POLN: variants seen among roughly 807,000 people sequenced by gnomAD.
The protein encoded by POLN is DNA polymerase N.
In POLN, 108 loss-of-function variants were observed where a neutral mutation model predicts 113.5. The observed-to-expected ratio is 0.95, with a 90% CI of 0.81 to 1.12. The LOEUF (loss-of-function observed/expected upper bound fraction) is 1.12. Among genes scored for constraint, POLN ranks in the 50% most tolerant of loss-of-function variants. The pLI is 0.00. For missense variants in POLN, 1,097 were observed against 1,077.1 expected (o/e 1.02, Z -0.26); for synonymous variants, 386 against 391.5 (o/e 0.99, Z 0.17).
chr4:2,129,193 G>T lies in POLN; in HGVS notation c.1853C>A (p.Thr618Asn), dbSNP rs758370210. The change falls in exon 18 of 26, where the codon ACC (threonine) becomes AAC (asparagine). Residue 618 changes from threonine to asparagine, a missense_variant. Coordinates refer to ENST00000511885, the MANE Select transcript of POLN (RefSeq NM_181808.4). ...CAGCAACGTACCTGCTGCTAGAAAG[G>T]TGTGGCCTTTGGATGAAACAAACAT... ...RAMFVSSKGHTFLAADFSQIE... is the reference protein window; with the variant it reads ...RAMFVSSKGHNFLAADFSQIE... 1 of 1,590,982 alleles carries T rather than the reference G, an allele frequency of 6.3e-7. No individual in the cohort carries two copies. The highest frequency in any genetic ancestry group is 1.1e-5 in the South Asian group (1 of 90,612).
At chr4:2,238,401 T>G (rs924780913) in intron 2 of POLN, among the ~76,000 whole-genome samples, 2 of 151,294 alleles carry the variant, frequency 1.3e-5, no homozygotes, top group African/African-American at 2.4e-5. Flanking sequence ...GTAGCTATTT[T>G]CAGATCTAAC....
intron 19 of POLN, among the ~76,000 whole-genome samples, chr4:2,096,274 G>A (rs765320147): frequency 3.9e-5 from 6 of 152,172 alleles, no homozygotes; most frequent in Non-Finnish European, 8.8e-5. Context: ...CTGGGCCTGG[G>A]CCACGTCTGT....
At chr4:2,177,208 A>AC (rs1733019106) in intron 8 of POLN, 2 of 382,662 alleles carry the variant, frequency 5.2e-6, no homozygotes, top group Admixed American at 6.5e-5. Flanking sequence ...TAGTTTGAAT[A>AC]CCCCCAGGAC....
chr4:2,237,277 T>TC lies in POLN; in HGVS notation c.-13+4242_-13+4243insG, dbSNP rs550470777. Among the ~76,000 whole-genome samples the TC allele has an allele frequency of 2.7e-4, 41 of 151,628 alleles. No homozygotes were observed. In the South Asian group the frequency reaches 8.3e-3, roughly 31 times the overall value. Reference sequence around the variant, plus strand: ...GAAGCCCCATCTCTACAAATTTTTTTTTTTTTTAATTAGCCAGGCATGGTG... The same window carrying TC: ...GAAGCCCCATCTCTACAAATTTTTTTCTTTTTTTAATTAGCCAGGCATGGTG... On this transcript the variant is annotated intron_variant, in intron 2 of 25. Transcript: ENST00000511885.
intron 20 of POLN, among the ~76,000 whole-genome samples, chr4:2,090,848 GC>G (rs1353624625): frequency 2.5e-4 from 38 of 152,350 alleles, no homozygotes; most frequent in African/African-American, 8.7e-4. Context: ...TTAGGGGTCA[GC>G]CAAGGATCTG....
At chr4:2,175,549 CCT>C (rs947441542) in intron 9 of POLN, among the ~76,000 whole-genome samples, 1 of 152,218 alleles carries the variant, frequency 6.6e-6, no homozygotes, top group African/African-American at 2.4e-5. Flanking sequence ...GGCCACCTCC[CCT>C]GAGAGCATGG....
intron 13 of POLN, among the ~76,000 whole-genome samples, chr4:2,167,803 G>A (rs1165039906): frequency 6.6e-6 from 1 of 152,112 alleles, no homozygotes; most frequent in African/African-American, 2.4e-5. Context: ...GGAGGCTGAG[G>A]CAGGAGAATC....
chr4:2,123,634 A>G (rs1328468280), intron 19 of POLN, among the ~76,000 whole-genome samples: 5 of 150,582 alleles, frequency 3.3e-5, no homozygotes, highest in Admixed American at 1.3e-4. Context: ...CAAAAAAAAA[A>G]AAAAAAAAAA....
In POLN at chr4:2,241,742, C is replaced by A. The variant is rs1256043249; in HGVS notation, c.-235G>T. On this transcript the variant is annotated 5_prime_UTR_variant, in exon 2 of 26. Coordinates refer to ENST00000511885, the MANE Select transcript of POLN (RefSeq NM_181808.4). ...GGCCGCGATACACCAGACGCGCCAGCGGCAAAACCTTCCTTCGGAGGGTCA... is the reference window on the plus strand; with the variant it reads ...GGCCGCGATACACCAGACGCGCCAGAGGCAAAACCTTCCTTCGGAGGGTCA... 5 of 985,392 alleles carry A rather than the reference C, an allele frequency of 5.1e-6. No individual in the cohort carries two copies. The highest frequency in any genetic ancestry group is 6.0e-6 in the Non-Finnish European group (5 of 829,964). 61.0% of individuals were successfully genotyped at this position (985,392 alleles called of 1,614,324 possible).
In POLN at chr4:2,214,912, C is replaced by CA. The variant is rs1462109330; in HGVS notation, c.134-1787dup. On this transcript the variant is annotated intron_variant, in intron 3 of 25. Transcript: ENST00000511885. The stretch of plus-strand genomic sequence containing the variant: ...ATACATATACATATATATGTATATA[C>CA]ATATACATATATATGTATATACCTC... 2.6e-5 allele frequency among the ~76,000 whole-genome samples: 4 copies of CA among 151,446 alleles called. No homozygotes were observed. The East Asian group carries it at 7.8e-4, about 29-fold the overall frequency.
intron 7 of POLN, among the ~76,000 whole-genome samples, chr4:2,185,393 C>G (rs1560086181): frequency 6.6e-6 from 1 of 152,210 alleles, no homozygotes; most frequent in Non-Finnish European, 1.5e-5. Context: ...ACCAAAACAA[C>G]TGCAAGAGTG....
intron 16 of POLN, among the ~76,000 whole-genome samples, chr4:2,149,874 G>A (rs1370149619): frequency 6.6e-6 from 1 of 152,000 alleles, no homozygotes; most frequent in Non-Finnish European, 1.5e-5. Flanking sequence ...ACGAGGTCAG[G>A]ATTTTGAGAC....
At chr4:2,182,538 T>G (rs1299366131) in intron 7 of POLN, among the ~76,000 whole-genome samples, 4 of 152,144 alleles carry the variant, frequency 2.6e-5, no homozygotes, top group African/African-American at 9.7e-5. Context: ...AACACCTTAA[T>G]TTGGACTTCC....
intron 2 of POLN, chr4:2,232,304 T>A (rs1734610937): frequency 4.1e-6 from 2 of 482,672 alleles, no homozygotes; most frequent in East Asian, 7.2e-5. Context: ...CGATTTAAAA[T>A]CCATAACAGG....
intron 7 of POLN, among the ~76,000 whole-genome samples, chr4:2,188,718 C>T (rs1429161169): frequency 6.6e-6 from 1 of 151,714 alleles, no homozygotes; most frequent in Non-Finnish European, 1.5e-5. Flanking sequence ...ACAAACTCAG[C>T]ATACTCTAAC....
chr4:2,208,014 A>G lies in POLN; in HGVS notation c.687T>C (p.Asp229=), dbSNP rs2108763890. Residue 229 remains aspartate, a synonymous_variant, in exon 5 of 26, where the codon GAT becomes GAC. Transcript: ENST00000511885. The part of the protein sequence containing the change: ...AALVITVMYT[D]GSTQLGADQT... The stretch of plus-strand genomic sequence containing the variant: ...GGTCAGCTCCTAGCTGGGTGGAACC[A>G]TCAGTATACATCACAGTTATCACCA... 6.2e-7 allele frequency: 1 copy of G among 1,612,272 alleles called. No homozygotes were observed. Among genetic ancestry groups the G allele is most frequent in the East Asian group, 2.2e-5 (1 of 44,860 alleles).
chr4:2,177,718 T>A (rs1037714506), intron 8 of POLN, among the ~76,000 whole-genome samples: 15 of 152,242 alleles, frequency 9.9e-5, no homozygotes, highest in African/African-American at 3.6e-4. Flanking sequence ...CTTTCTAATA[T>A]CTCAGCTTCT....
rs747058815 is a variant in POLN at position 2,208,015 on chromosome 4, T to A, written c.686A>T (p.Asp229Val). ...GTCAGCTCCTAGCTGGGTGGAACCATCAGTATACATCACAGTTATCACCAG... is the reference window on the plus strand; with the variant it reads ...GTCAGCTCCTAGCTGGGTGGAACCAACAGTATACATCACAGTTATCACCAG... The part of the protein sequence containing the change: ...AALVITVMYT[D>V]GSTQLGADQT... Residue 229 changes from aspartate (D) to valine (V), a missense_variant, in exon 5 of 26, where the codon GAT becomes GTT. Physicochemically the swap from Asp to Val is radical, Grantham distance 152. Transcript: ENST00000511885. 10 of 1,612,398 alleles carry A rather than the reference T, an allele frequency of 6.2e-6. No individual in the cohort carries two copies. In the Admixed American group the frequency reaches 1.2e-4, roughly 19 times the overall value.
chr4:2,207,871 G>A (rs1733890997), intron 5 of POLN, 116 bp downstream of exon 5: 11 of 1,180,248 alleles, frequency 9.3e-6, no homozygotes, highest in African/African-American at 1.5e-5. Flanking sequence ...TACCACTGGA[G>A]GGGAAGGAAA....
Sources: allele counts gnomAD v4.1 joint callset (sites outside exome capture counted in the v4.1 genomes callset), GRCh38; gene constraint gnomAD v4.1.1; transcripts MANE v1.5; gene names NCBI Gene and HGNC (gene_info 2026-07-23, HGNC 2026-07-21).